The following FAM168B variants were observed in gnomAD, a reference collection of about 807,000 sequenced individuals.
FAM168B encodes myelin-associated neurite-outgrowth inhibitor.
A neutral mutation model predicts 21.8 loss-of-function variants in FAM168B; 19 were observed. That is an observed-to-expected ratio of 0.87 (90% CI 0.61 to 1.28). The LOEUF (loss-of-function observed/expected upper bound fraction) is 1.28. FAM168B is among the 50% of genes most tolerant of loss of function. The pLI is 0.00. For missense variants in FAM168B, 233 were observed against 263.1 expected, an observed-to-expected ratio of 0.89 and a Z score of 0.79; for synonymous variants, 126 against 104.8, an observed-to-expected ratio of 1.20 and a Z score of -1.24.
chr2:131,085,016 T>A (rs1693611331), intron 1 of FAM168B, among the ~76,000 whole-genome samples: 2 of 152,158 alleles, frequency 1.3e-5, no homozygotes, highest in Non-Finnish European at 2.9e-5. Flanking sequence ...CTATTCCTCA[T>A]CTGGTAAATC....
intron 3 of FAM168B, among the ~76,000 whole-genome samples, chr2:131,067,655 G>A (rs1008416141): frequency 6.6e-6 from 1 of 152,010 alleles, no homozygotes; most frequent in Non-Finnish European, 1.5e-5. Context: ...AGGCAGGATT[G>A]CTTGGCAGTG....
At chr2:131,083,477 T>C (rs1348641505) in intron 1 of FAM168B, among the ~76,000 whole-genome samples, 2 of 152,148 alleles carry the variant, frequency 1.3e-5, no homozygotes, top group Non-Finnish European at 2.9e-5. Flanking sequence ...GAGGTGGAGA[T>C]TAGCAGTGAG....
intron 2 of FAM168B, among the ~76,000 whole-genome samples, chr2:131,073,410 T>G (rs189304785): frequency 6.6e-6 from 1 of 152,228 alleles, no homozygotes; most frequent in Non-Finnish European, 1.5e-5. Context: ...GATGTTCTGA[T>G]CCCCAACTTC....
At position 131,051,366 on chromosome 2, in the gene FAM168B, A is replaced by C; in HGVS notation, c.*1099T>G. The C allele has an allele frequency of 1.0e-6, 1 of 985,318 alleles. No homozygotes were observed. Among genetic ancestry groups the C allele is most frequent in the Non-Finnish European group, 1.2e-6 (1 of 829,916 alleles). The allele number at this position is 985,318 out of a possible 1,614,324, so 61.0% of individuals were successfully genotyped here. ...TTTAAATAAAGTTTTGTTCCCTTTT[A>C]ACTCATTCTTAAATATACCACTTTC... On this transcript the variant is annotated 3_prime_UTR_variant, in exon 7 of 7. Coordinates refer to ENST00000389915, the MANE Select transcript of FAM168B (RefSeq NM_001009993.4).
chr2:131,066,001 T>C (rs1449256394), intron 3 of FAM168B, among the ~76,000 whole-genome samples: 1 of 152,052 alleles, frequency 6.6e-6, no homozygotes, highest in East Asian at 1.9e-4. Context: ...TTAGAATACA[T>C]TCCTAGAAGT....
At chr2:131,061,505 G>A (rs559296262) in intron 3 of FAM168B, among the ~76,000 whole-genome samples, 1 of 152,036 alleles carries the variant, frequency 6.6e-6, no homozygotes, top group Admixed American at 6.6e-5. Flanking sequence ...TTATAGTCAG[G>A]CGCAGTGGCT....
intron 1 of FAM168B, among the ~76,000 whole-genome samples, chr2:131,092,072 A>C (rs1316795849): frequency 1.3e-5 from 2 of 150,890 alleles, no homozygotes; most frequent in East Asian, 2.0e-4. Context: ...TGAATCCGGG[A>C]GGCGGAGCTT....
chr2:131,051,196 C>A lies in FAM168B; in HGVS notation c.*1269G>T. On this transcript the variant is annotated 3_prime_UTR_variant, in exon 7 of 7. Coordinates refer to ENST00000389915, the MANE Select transcript of FAM168B (RefSeq NM_001009993.4). ...CGCAGACAACAGACACTGGCCTCCC[C>A]CTCGCCCCATCTCTAAGCGTCCCCT... 1.0e-6 allele frequency: 1 copy of A among 985,334 alleles called. No individual in the cohort carries two copies. Among genetic ancestry groups the A allele is most frequent in the Non-Finnish European group, 1.2e-6 (1 of 829,950 alleles). 61.0% of individuals were successfully genotyped at this position (985,334 alleles called of 1,614,324 possible).
chr2:131,092,381 A>C (rs1463947759), intron 1 of FAM168B, among the ~76,000 whole-genome samples: 1 of 152,216 alleles, frequency 6.6e-6, no homozygotes, highest in Non-Finnish European at 1.5e-5. Flanking sequence ...ACAAGAGCTT[A>C]AAAATGTGTC....
At chr2:131,063,405 T>C (rs6726447) in intron 3 of FAM168B, among the ~76,000 whole-genome samples, 25,379 of 152,172 alleles carry the variant, frequency 0.17, 2,481 homozygotes, top group African/African-American at 0.27. Flanking sequence ...GGTTTAGGCA[T>C]GAATATTACA....
chr2:131,066,883 T>A (rs1692589277), intron 3 of FAM168B, among the ~76,000 whole-genome samples: 2 of 152,108 alleles, frequency 1.3e-5, no homozygotes, highest in African/African-American at 4.8e-5. Context: ...AATAAAGAAA[T>A]ACCCGAGACT....
intron 1 of FAM168B, among the ~76,000 whole-genome samples, chr2:131,083,130 G>A (rs1289601255): frequency 6.6e-6 from 1 of 152,010 alleles, no homozygotes; most frequent in African/African-American, 2.4e-5. Flanking sequence ...CTGAGGTGGA[G>A]GAATCATGAG....
intron 3 of FAM168B, among the ~76,000 whole-genome samples, chr2:131,069,232 G>C (rs1436056025): frequency 6.6e-6 from 1 of 152,214 alleles, no homozygotes; most frequent in Non-Finnish European, 1.5e-5. Context: ...ACTGATTTGT[G>C]CTCCATGAAG....
At chr2:131,087,719 A>C (rs1693787330) in intron 1 of FAM168B, among the ~76,000 whole-genome samples, 1 of 152,136 alleles carries the variant, frequency 6.6e-6, no homozygotes, top group East Asian at 1.9e-4. Flanking sequence ...GTAGGCAAAG[A>C]AGCTCCTGAG....
rs1248201722 is a variant in FAM168B at position 131,050,068 on chromosome 2, G to A, written c.*2397C>T. On this transcript the variant is annotated 3_prime_UTR_variant, in exon 7 of 7. Coordinates refer to ENST00000389915, the MANE Select transcript of FAM168B (RefSeq NM_001009993.4). ...ATAAAGCCTCTCAACTTCATAAAAG[G>A]GAAAAAAGGTTAAGTTACAGGGAGG... 2 of 985,274 alleles carry A rather than the reference G, an allele frequency of 2.0e-6. No individual in the cohort carries two copies. Among genetic ancestry groups the A allele is most frequent in the South Asian group, 4.7e-5 (1 of 21,296 alleles). 61.0% of individuals were successfully genotyped at this position (985,274 alleles called of 1,614,324 possible).
At chr2:131,079,546 C>T (rs944013155) in intron 2 of FAM168B, among the ~76,000 whole-genome samples, 1 of 152,172 alleles carries the variant, frequency 6.6e-6, no homozygotes, top group Non-Finnish European at 1.5e-5. Context: ...GATGCAGCCA[C>T]AAAGCCACAT....
chr2:131,067,100 G>T (rs371688890), intron 3 of FAM168B, among the ~76,000 whole-genome samples: 4 of 152,076 alleles, frequency 2.6e-5, no homozygotes, highest in African/African-American at 9.7e-5. Flanking sequence ...CCTCCCACCA[G>T]GTCCCTCCAG....
intron 3 of FAM168B, among the ~76,000 whole-genome samples, chr2:131,068,952 G>A (rs956708383): frequency 1.3e-5 from 2 of 152,214 alleles, no homozygotes; most frequent in African/African-American, 4.8e-5. Flanking sequence ...AAAAGTCGAG[G>A]CTGCAGTGAG....
Position 131,051,061 on chromosome 2 carries a change from A to G in FAM168B, c.*1404T>C, listed in dbSNP as rs1434850179. On this transcript the variant is annotated 3_prime_UTR_variant, in exon 7 of 7. Transcript: ENST00000389915. ...GATCCTAAACTCAAATTCCTCTCCC[A>G]CAATAAACCCTGCCAGCAAACGCAC... The G allele has an allele frequency of 1.0e-6, 1 of 985,226 alleles. No individual in the cohort carries two copies. The highest frequency in any genetic ancestry group is 1.7e-5 in the African/African-American group (1 of 57,176). 61.0% of individuals were successfully genotyped at this position (985,226 alleles called of 1,614,324 possible).
Sources: gnomAD v4.1 joint callset for allele counts (sites outside exome capture counted in the v4.1 genomes callset) on GRCh38, gnomAD v4.1.1 for gene constraint, MANE v1.5 for transcripts, NCBI Gene and HGNC (gene_info 2026-07-23, HGNC 2026-07-21) for gene names.